The following IL10RB variants were observed in gnomAD, a reference collection of about 807,000 sequenced individuals.
IL10RB encodes the protein interleukin-10 receptor subunit beta.
A neutral mutation model predicts 38.7 loss-of-function variants in IL10RB; 30 were observed. The ratio of observed to expected loss-of-function variants is 0.78; its 90% CI spans 0.58 to 1.05. The LOEUF (loss-of-function observed/expected upper bound fraction) is 1.05, where lower values mean the gene tolerates loss of function less well. Among genes scored for constraint, IL10RB ranks in the 50% least tolerant of loss-of-function variants. The pLI, the probability that IL10RB is intolerant of heterozygous loss-of-function variation, is 0.00. For synonymous variants in IL10RB, 142 were observed against 145.9 expected, an observed-to-expected ratio of 0.97 and a Z score of 0.19; for missense variants, 328 against 397.1, an observed-to-expected ratio of 0.83 and a Z score of 1.48.
At chr21:33,300,336 G>A (rs532545974), downstream of IL10RB, among the ~76,000 whole-genome samples, 1 of 152,038 alleles carries the variant, frequency 6.6e-6, no homozygotes, top group South Asian at 2.1e-4. Context: ...AGCTACTCAG[G>A]AGGCTGAGGC....
intron 5 of IL10RB, among the ~76,000 whole-genome samples, chr21:33,285,983 A>T (rs1989367162): frequency 6.6e-6 from 1 of 152,290 alleles, no homozygotes; most frequent in Non-Finnish European, 1.5e-5. Flanking sequence ...GGTGCATGAA[A>T]CAAACAAGAA....
rs1269914108 is a variant in IL10RB at position 33,296,039 on chromosome 21, G to T, written c.805-145G>T. On this transcript the variant is annotated intron_variant, in intron 6 of 6. Coordinates refer to ENST00000290200, the MANE Select transcript of IL10RB (RefSeq NM_000628.5). Reference sequence around the variant, plus strand: ...AGCCTGGGTGACAGAGCAAGACTCTGTCTCAAAAAAATAAAATAAACATTA... The same window carrying T: ...AGCCTGGGTGACAGAGCAAGACTCTTTCTCAAAAAAATAAAATAAACATTA... 3.7e-5 allele frequency: 17 copies of T among 460,208 alleles called. No homozygotes were observed. The Admixed American group carries it at 6.8e-4, about 18-fold the overall frequency. The allele number at this position is 460,208 out of a possible 1,614,324, so 28.5% of individuals were successfully genotyped here.
intron 6 of IL10RB, among the ~76,000 whole-genome samples, chr21:33,290,271 G>C (rs1400055011): frequency 6.6e-6 from 1 of 152,048 alleles, no homozygotes; most frequent in East Asian, 1.9e-4. Flanking sequence ...CTGAGCAACA[G>C]AGCGAGACTC....
intron 4 of IL10RB, among the ~76,000 whole-genome samples, chr21:33,282,752 G>A (rs1989302957): frequency 6.6e-6 from 1 of 152,046 alleles, no homozygotes; most frequent in Non-Finnish European, 1.5e-5. Context: ...GTTTTGCCAT[G>A]TTGACTAGGC....
chr21:33,268,034 C>G (rs1989005229), intron 1 of IL10RB: 3 of 372,888 alleles, frequency 8.0e-6, no homozygotes, highest in Non-Finnish European at 1.5e-5. Context: ...CCAAAATGGA[C>G]ATTGACCTCA....
intron 2 of IL10RB, among the ~76,000 whole-genome samples, chr21:33,271,280 G>A (rs960848047): frequency 3.9e-5 from 6 of 152,296 alleles, no homozygotes; most frequent in Admixed American, 1.3e-4. Flanking sequence ...TGTTGTTTGC[G>A]TGCATTGGGG....
chr21:33,272,048 C>T (rs918810641), intron 2 of IL10RB, among the ~76,000 whole-genome samples: 5 of 151,992 alleles, frequency 3.3e-5, no homozygotes, highest in African/African-American at 7.3e-5. Context: ...ATGAAATGAC[C>T]GCTGGATTTT....
downstream of IL10RB, among the ~76,000 whole-genome samples, chr21:33,299,858 G>T (rs1056564882): frequency 6.6e-6 from 1 of 152,218 alleles, no homozygotes; most frequent in African/African-American, 2.4e-5. Context: ...ACTTCTGTGT[G>T]ACCTTATGTT....
downstream of IL10RB, among the ~76,000 whole-genome samples, chr21:33,298,010 G>T (rs908210732): frequency 2.0e-5 from 3 of 152,178 alleles, no homozygotes; most frequent in African/African-American, 7.2e-5. Context: ...GGATGTTTCA[G>T]CTTGAGCAAA....
At position 33,285,035 on chromosome 21, in the gene IL10RB, G is replaced by A. The variant is rs374091373; in HGVS notation, c.646+1794G>A. On this transcript the variant is annotated intron_variant, in intron 5 of 6. Coordinates refer to ENST00000290200, the MANE Select transcript of IL10RB (RefSeq NM_000628.5). ...CCTCCTGAATAGCTGGGATTACAGTGCCCACCACCACACCCAGCTAATTTT... is the reference window on the plus strand; with the variant it reads ...CCTCCTGAATAGCTGGGATTACAGTACCCACCACCACACCCAGCTAATTTT... Among the ~76,000 whole-genome samples, 38 of 152,134 alleles carry A rather than the reference G, an allele frequency of 2.5e-4. 1 individual carries two copies. The highest frequency in any genetic ancestry group is 8.7e-4 in the African/African-American group (36 of 41,506).
downstream of IL10RB, among the ~76,000 whole-genome samples, chr21:33,301,202 A>G (rs1471837487): frequency 6.6e-6 from 1 of 152,026 alleles, no homozygotes; most frequent in Non-Finnish European, 1.5e-5. Context: ...AACGGGAAGT[A>G]AAAAACAAAG....
chr21:33,281,161 C>T (rs530462113), intron 4 of IL10RB, among the ~76,000 whole-genome samples: 2 of 152,216 alleles, frequency 1.3e-5, no homozygotes, highest in Non-Finnish European at 2.9e-5. Flanking sequence ...GCTCTGCCCT[C>T]ATTATTTAAT....
At chr21:33,286,736 C>T (rs1989382237) in intron 5 of IL10RB, among the ~76,000 whole-genome samples, 1 of 151,990 alleles carries the variant, frequency 6.6e-6, no homozygotes, top group South Asian at 2.1e-4. Flanking sequence ...GCCTGTCGTC[C>T]CAGCTACCCA....
Position 33,272,143 on chromosome 21 carries a change from C to T in IL10RB, c.173+3626C>T, listed in dbSNP as rs8178458. Among the ~76,000 whole-genome samples, 894 of 152,222 alleles carry T rather than the reference C, an allele frequency of 5.9e-3. 13 individuals carry two copies. The highest frequency in any genetic ancestry group is 0.021 in the African/African-American group (854 of 41,516). ...ATATTAAGTGAAAAAATAGCATGAT[C>T]CCAATGATCTCTATCTACTTTTTGC... On this transcript the variant is annotated intron_variant, in intron 2 of 6. Transcript: ENST00000290200.
At chr21:33,276,517 C>CCA in intron 2 of IL10RB, 79 bp from the exon 3 acceptor site, 1 of 1,198,690 alleles carries the variant, frequency 8.3e-7, no homozygotes, top group Non-Finnish European at 1.2e-6. Context: ...CCGCCCCCCC[C>CCA]TCCAAATTAA....
At chr21:33,289,584 C>G (rs1431600859) in intron 6 of IL10RB, among the ~76,000 whole-genome samples, 1 of 152,234 alleles carries the variant, frequency 6.6e-6, no homozygotes, top group Non-Finnish European at 1.5e-5. Flanking sequence ...TGTCCCTGCA[C>G]TTGTCAATTT....
chr21:33,288,345 A>C, intron 6 of IL10RB, 84 bp downstream of exon 6: 1 of 1,200,610 alleles, frequency 8.3e-7, no homozygotes. Context: ...CCAATTCCAG[A>C]CAACATGTTT....
At chr21:33,270,829 C>T (rs972275505) in intron 2 of IL10RB, among the ~76,000 whole-genome samples, 1 of 152,046 alleles carries the variant, frequency 6.6e-6, no homozygotes, top group African/African-American at 2.4e-5. Context: ...CACATGCCAC[C>T]GTGCCCAACT....
intron 5 of IL10RB, among the ~76,000 whole-genome samples, chr21:33,286,397 A>C (rs1402459800): frequency 6.6e-6 from 1 of 152,222 alleles, no homozygotes; most frequent in Non-Finnish European, 1.5e-5. Context: ...GGATGGGCAC[A>C]GAGAAATCAG....
Sources: gnomAD v4.1 joint callset for allele counts (sites outside exome capture counted in the v4.1 genomes callset) on GRCh38, gnomAD v4.1.1 for gene constraint, MANE v1.5 for transcripts, NCBI Gene and HGNC (gene_info 2026-07-23, HGNC 2026-07-21) for gene names.